Variants in ARHGAP6 observed in about 807,000 individuals in gnomAD.
The protein encoded by ARHGAP6 is Rho GTPase activating protein 6.
In ARHGAP6, 16 loss-of-function variants were observed where a neutral mutation model predicts 55.7. That is an observed-to-expected ratio of 0.29 (90% CI 0.19 to 0.44). The LOEUF (loss-of-function observed/expected upper bound fraction) is 0.44. Among genes scored for constraint, ARHGAP6 ranks in the 20% least tolerant of loss-of-function variants. The pLI, the probability that ARHGAP6 is intolerant of heterozygous loss-of-function variation, is 1.00. For synonymous variants in ARHGAP6, 382 were observed against 360.9 expected (o/e 1.06, Z -0.66); for missense variants, 698 against 808.9 (o/e 0.86, Z 1.66).
intron 10 of ARHGAP6, among the ~76,000 whole-genome samples, chrX:11,148,068 G>A (rs1005617536): frequency 1.8e-5 from 2 of 111,504 alleles, no homozygotes. Context: ...GGGCCCAGGA[G>A]GGGAGGTTTT....
At chrX:11,293,362 G>A (rs1396550546) in intron 1 of ARHGAP6, 1 of 111,948 alleles carries the variant, frequency 8.9e-6, no homozygotes, top group Non-Finnish European at 1.9e-5. Flanking sequence ...TGGATTGGTT[G>A]TTACAGATGC....
intron 1 of ARHGAP6, among the ~76,000 whole-genome samples, chrX:11,279,094 TGCA>T (rs948811516): frequency 9.0e-6 from 1 of 111,629 alleles, no homozygotes; most frequent in African/African-American, 3.3e-5. Context: ...AACAAAGGGA[TGCA>T]GCCACAGTGT....
chrX:11,557,962 G>A (rs759953924), intron 1 of ARHGAP6, among the ~76,000 whole-genome samples: 3 of 111,631 alleles, frequency 2.7e-5, no homozygotes, highest in South Asian at 3.7e-4. Context: ...AGACAGATAC[G>A]GTGAGTAGAC....
rs202028939 is a variant in ARHGAP6, at chrX:11,168,139, T to TA, written c.1809+1365dup. On this transcript the variant is annotated intron_variant, in intron 9 of 12. Coordinates refer to ENST00000337414, the MANE Select transcript of ARHGAP6 (RefSeq NM_013427.3). ...CTTTCTGGGGTTGCCCGTAAAACTC[T>TA]AAAAAATGTCAGAGCCTCAAAATAC... Among the ~76,000 whole-genome samples, 75 of 111,986 alleles carry TA rather than the reference T, an allele frequency of 6.7e-4. 2 individuals are homozygous for TA. The East Asian group carries it at 0.02, about 30-fold the overall frequency.
chrX:11,150,122 C>A (rs953876050), intron 10 of ARHGAP6, among the ~76,000 whole-genome samples: 17 of 111,730 alleles, frequency 1.5e-4, no homozygotes, highest in Middle Eastern at 4.6e-3. Flanking sequence ...AGGGAAGATA[C>A]TTTACTTAGC....
At chrX:11,210,292 G>A (rs1231025042) in intron 2 of ARHGAP6, among the ~76,000 whole-genome samples, 6 of 112,570 alleles carry the variant, frequency 5.3e-5, no homozygotes, top group Non-Finnish European at 1.1e-4. Context: ...ACATCCATCA[G>A]TACAGCCTGT....
At chrX:11,194,317 C>G (rs985989029) in intron 3 of ARHGAP6, among the ~76,000 whole-genome samples, 11 of 112,212 alleles carry the variant, frequency 9.8e-5, no homozygotes, top group Non-Finnish European at 1.9e-4. Flanking sequence ...GCAGATTCTG[C>G]TGTGACAGAA....
At chrX:11,621,859 A>G (rs1273099934) in intron 1 of ARHGAP6, among the ~76,000 whole-genome samples, 1 of 111,849 alleles carries the variant, frequency 8.9e-6, no homozygotes, top group Non-Finnish European at 1.9e-5. Context: ...ATTTTAGTCA[A>G]ACTGCAAAAT....
intron 2 of ARHGAP6, among the ~76,000 whole-genome samples, chrX:11,221,827 G>C (rs1426628026): frequency 1.8e-5 from 2 of 110,916 alleles, no homozygotes; most frequent in Non-Finnish European, 3.8e-5. Flanking sequence ...TTTGTATTTT[G>C]TTACCTAGGT....
intron 1 of ARHGAP6, among the ~76,000 whole-genome samples, chrX:11,363,864 G>A (rs1442793981): frequency 8.9e-6 from 1 of 111,984 alleles, no homozygotes; most frequent in Non-Finnish European, 1.9e-5. Context: ...ATACTCAAAG[G>A]AATATAAATT....
intron 1 of ARHGAP6, among the ~76,000 whole-genome samples, chrX:11,331,936 T>C (rs915754924): frequency 5.4e-5 from 6 of 111,972 alleles, no homozygotes; most frequent in Non-Finnish European, 1.1e-4. Flanking sequence ...CTATGCTTAC[T>C]TTAAAACTGT....
intron 1 of ARHGAP6, among the ~76,000 whole-genome samples, chrX:11,465,943 TTCCTCC>T (rs1192727829): frequency 1.1e-5 from 1 of 89,576 alleles, no homozygotes; most frequent in Non-Finnish European, 2.1e-5. Context: ...CCTCCTCCTC[TTCCTCC>T]TCCTCCTCTT....
At chrX:11,513,573 C>A (rs1040212986) in intron 1 of ARHGAP6, among the ~76,000 whole-genome samples, 2 of 111,560 alleles carry the variant, frequency 1.8e-5, no homozygotes, top group Non-Finnish European at 3.8e-5. Context: ...CAGGTGCTTA[C>A]AACTTGGCAC....
In ARHGAP6 at chrX:11,642,710, A is replaced by G. The variant is rs1357875509; in HGVS notation, c.588+21531T>C. Reference sequence around the variant, plus strand: ...CTAGACACAAAAGGTCACATATTGTATAATTCCATTTTATGAAATATCCAC... The same window carrying G: ...CTAGACACAAAAGGTCACATATTGTGTAATTCCATTTTATGAAATATCCAC... On this transcript the variant is annotated intron_variant, in intron 1 of 12. Coordinates refer to ENST00000337414, the MANE Select transcript of ARHGAP6 (RefSeq NM_013427.3). Among the ~76,000 whole-genome samples, 7 of 111,910 alleles carry G rather than the reference A, an allele frequency of 6.3e-5. No individual in the cohort carries two copies. In the East Asian group the frequency reaches 2.0e-3, roughly 31 times the overall value.
At chrX:11,526,694 A>G (rs1348468969) in intron 1 of ARHGAP6, among the ~76,000 whole-genome samples, 1 of 111,867 alleles carries the variant, frequency 8.9e-6, no homozygotes, top group African/African-American at 3.2e-5. Context: ...GAATCCTCCA[A>G]TCTATTTGCA....
At chrX:11,579,465 G>A (rs945504574) in intron 1 of ARHGAP6, among the ~76,000 whole-genome samples, 1 of 111,985 alleles carries the variant, frequency 8.9e-6, no homozygotes, top group African/African-American at 3.3e-5. Context: ...TTATTTCAGA[G>A]TAGATATTTT....
At chrX:11,591,031 A>C (rs1170826017) in intron 1 of ARHGAP6, among the ~76,000 whole-genome samples, 2 of 107,914 alleles carry the variant, frequency 1.9e-5, no homozygotes. Context: ...GTCTCTACTA[A>C]AAATACAAAA....
intron 1 of ARHGAP6, among the ~76,000 whole-genome samples, chrX:11,279,687 A>C (rs895009705): frequency 2.7e-5 from 3 of 110,998 alleles, no homozygotes; most frequent in Non-Finnish European, 3.8e-5. Context: ...AATAAAGATT[A>C]TGACTAATAA....
intron 6 of ARHGAP6, among the ~76,000 whole-genome samples, 171 bp downstream of exon 6, chrX:11,181,892 T>A (rs1314654722): frequency 9.0e-6 from 1 of 110,604 alleles, no homozygotes; most frequent in East Asian, 2.8e-4. Context: ...GTAACAACAT[T>A]TCTGAGTTGT....
Sources: allele counts gnomAD v4.1 joint callset (sites outside exome capture counted in the v4.1 genomes callset), GRCh38; gene constraint gnomAD v4.1.1; transcripts MANE v1.5; gene names NCBI Gene and HGNC (gene_info 2026-07-23, HGNC 2026-07-21).